The following CAPN13 variants were observed in gnomAD, a reference collection of about 807,000 sequenced individuals.
CAPN13 encodes the protein calpain-13.
In CAPN13, 90 loss-of-function variants were observed where a neutral mutation model predicts 98.4. That is an observed-to-expected ratio of 0.92 (90% confidence interval 0.77 to 1.09). CAPN13 has a LOEUF of 1.09. Among genes scored for constraint, CAPN13 ranks in the 50% least tolerant of loss-of-function variants. The probability of loss-of-function intolerance (pLI) is 0.00; values close to 1 mark genes in which losing one functional copy is unlikely to be tolerated. For missense variants in CAPN13, 887 were observed against 841.3 expected (o/e 1.05, Z -0.67); for synonymous variants, 330 against 305.5 (o/e 1.08, Z -0.84).
chr2:30,769,507 TCCTC>T (rs1438515137), intron 5 of CAPN13, among the ~76,000 whole-genome samples: 2 of 152,112 alleles, frequency 1.3e-5, no homozygotes, highest in African/African-American at 2.4e-5. Context: ...AGTGCCCTCT[TCCTC>T]ACACACACAC....
chr2:30,726,292 T>G (rs1336632513), intron 22 of CAPN13, among the ~76,000 whole-genome samples: 1 of 152,186 alleles, frequency 6.6e-6, no homozygotes, highest in East Asian at 1.9e-4. Context: ...TCATATTTAA[T>G]GGCAAAGGAT....
rs370192320 is a variant in CAPN13 at position 30,743,556 on chromosome 2, G to T, written c.1272C>A (p.Pro424=). The change falls in exon 13 of 23, where the codon CCC becomes CCA. Residue 424 remains proline (P), a synonymous_variant. Transcript: ENST00000295055. ...GSQRFREKFP[P]VFFSSFRNTV... The stretch of plus-strand genomic sequence containing the variant: ...TGTTTCTGAACGAGGAAAAAAACAC[G>T]GGTGGAAATTTCTCCCGGAACCGCT... The T allele has an allele frequency of 1.2e-6, 2 of 1,613,892 alleles. No homozygotes were observed. The highest frequency in any genetic ancestry group is 2.2e-5 in the East Asian group (1 of 44,886).
chr2:30,784,481 T>C (rs1329645318), intron 2 of CAPN13, among the ~76,000 whole-genome samples: 1 of 152,228 alleles, frequency 6.6e-6, no homozygotes, highest in African/African-American at 2.4e-5. Context: ...AAAGTAATCA[T>C]ATGTGGTACA....
At chr2:30,742,241 G>A (rs752306710) in intron 14 of CAPN13, 85 bp downstream of exon 14, 17 of 1,434,418 alleles carry the variant, frequency 1.2e-5, no homozygotes, top group Middle Eastern at 1.9e-4. Context: ...TGGGGGCAGC[G>A]GGAGGTGTAA....
chr2:30,779,297 T>G (rs1161900811), intron 2 of CAPN13, among the ~76,000 whole-genome samples: 1 of 152,248 alleles, frequency 6.6e-6, no homozygotes, highest in Non-Finnish European at 1.5e-5. Flanking sequence ...CTGGGTGACC[T>G]TGAGACCTTG....
intron 1 of CAPN13, among the ~76,000 whole-genome samples, chr2:30,797,448 A>G (rs925362760): frequency 4.3e-4 from 66 of 152,318 alleles, no homozygotes; most frequent in African/African-American, 1.4e-3. Flanking sequence ...ATCTTGGCCA[A>G]TACTCTTAAT....
intron 1 of CAPN13, among the ~76,000 whole-genome samples, chr2:30,802,542 T>C (rs1253522794): frequency 8.7e-6 from 1 of 114,568 alleles, no homozygotes; most frequent in Non-Finnish European, 1.8e-5. Flanking sequence ...AAAGGCAGGC[T>C]GGGGGGGGGG....
chr2:30,805,496 A>G (rs1043038711), intron 1 of CAPN13, among the ~76,000 whole-genome samples: 6 of 152,174 alleles, frequency 3.9e-5, no homozygotes, highest in Non-Finnish European at 7.3e-5. Context: ...AAATAATGTC[A>G]ACAATAATGA....
At chr2:30,773,069 C>A (rs1348645295) in intron 4 of CAPN13, among the ~76,000 whole-genome samples, 1 of 152,142 alleles carries the variant, frequency 6.6e-6, no homozygotes, top group Non-Finnish European at 1.5e-5. Context: ...CGTGATCTAC[C>A]CACCTCAGCC....
At chr2:30,741,653 A>G in intron 15 of CAPN13, 1 of 1,338,538 alleles carries the variant, frequency 7.5e-7, no homozygotes, top group Non-Finnish European at 9.6e-7. Context: ...CTCACACCCC[A>G]TAATTATCCC....
intron 1 of CAPN13, among the ~76,000 whole-genome samples, chr2:30,795,736 G>A (rs4563276): frequency 0.63 from 96,418 of 151,872 alleles, 32,275 homozygotes; most frequent in Non-Finnish European, 0.75. Flanking sequence ...GTCTTTTGAT[G>A]AACATCAATA....
In CAPN13 at chr2:30,771,856, T is replaced by C. The variant is rs193030977; in HGVS notation, c.388-1407A>G. Among the ~76,000 whole-genome samples, 260 of 152,320 alleles carry C rather than the reference T, an allele frequency of 1.7e-3. 1 individual carries two copies. Among genetic ancestry groups the C allele is most frequent in the African/African-American group, 6.2e-3 (256 of 41,582 alleles). On this transcript the variant is annotated intron_variant, in intron 4 of 22. Transcript: ENST00000295055. ...GGCAGTAAGAGTAGGAACTGCCTCATAGGTTGTGATTAGGATTAGATGAGA... is the reference window on the plus strand; with the variant it reads ...GGCAGTAAGAGTAGGAACTGCCTCACAGGTTGTGATTAGGATTAGATGAGA...
At chr2:30,757,218 C>A (rs1672498444) in intron 8 of CAPN13, among the ~76,000 whole-genome samples, 1 of 152,254 alleles carries the variant, frequency 6.6e-6, no homozygotes. Context: ...TGCGACCAGG[C>A]TGAGCCTCAC....
chr2:30,748,203 G>A (rs536655512), intron 11 of CAPN13, among the ~76,000 whole-genome samples: 4 of 152,302 alleles, frequency 2.6e-5, no homozygotes, highest in African/African-American at 9.6e-5. Context: ...TCCTGGCTGG[G>A]CAGACCAGGG....
At position 30,732,477 on chromosome 2, in the gene CAPN13, TG is replaced by T; in HGVS notation, c.1887del (p.Ser630AlafsTer6). ...YSDSVGRVSF[P>X]SLVCFLMRLE... ...AGCCGCATCAGGAAGCAGACCAGGC[TG>T]GGGAAGCTGACCCTGCCGACGCTGT... On this transcript the variant is annotated frameshift_variant, in exon 20 of 23. Transcript: ENST00000295055. LOFTEE classifies it high-confidence loss of function. 1 of 1,613,492 alleles carries T rather than the reference TG, an allele frequency of 6.2e-7. No homozygotes were observed. Among genetic ancestry groups the T allele is most frequent in the Non-Finnish European group, 8.5e-7 (1 of 1,179,746 alleles).
intron 1 of CAPN13, among the ~76,000 whole-genome samples, chr2:30,800,094 A>AAAG (rs1558351169): frequency 4.3e-5 from 6 of 140,176 alleles, no homozygotes; most frequent in African/African-American, 1.7e-4. Context: ...AGAAAGAAAG[A>AAAG]AAAGAAAGAA....
chr2:30,764,238 C>T lies in CAPN13; in HGVS notation c.593G>A (p.Gly198Asp). 6.2e-7 allele frequency: 1 copy of T among 1,613,568 alleles called. No homozygotes were observed. Among genetic ancestry groups the T allele is most frequent in the Non-Finnish European group, 8.5e-7 (1 of 1,179,786 alleles). ...GTGCAGATGGATGTTGGTGATCACG[C>T]CTCCTGTGAGGTCCACCAGGGCATC... is the stretch of plus-strand genomic sequence containing the variant. ...LEDALVDLTG[G>D]VITNIHLHSS... The change falls in exon 6 of 23, where the codon GGC becomes GAC. Residue 198 changes from glycine (G) to aspartate (D), a missense_variant. By Grantham distance (94) the Gly-to-Asp change is moderately conservative. Transcript: ENST00000295055.
chr2:30,750,544 C>T (rs1241552842), intron 11 of CAPN13, among the ~76,000 whole-genome samples: 1 of 152,050 alleles, frequency 6.6e-6, no homozygotes, highest in Non-Finnish European at 1.5e-5. Flanking sequence ...AGTTTGCATG[C>T]CAGCCACCAG....
At chr2:30,747,308 G>A (rs1046736104) in intron 11 of CAPN13, among the ~76,000 whole-genome samples, 2 of 152,038 alleles carry the variant, frequency 1.3e-5, no homozygotes, top group African/African-American at 2.4e-5. Flanking sequence ...GCAGAGCTGG[G>A]AATCGGGGAA....
Sources: gnomAD v4.1 joint callset for allele counts (sites outside exome capture counted in the v4.1 genomes callset) on GRCh38, gnomAD v4.1.1 for gene constraint, MANE v1.5 for transcripts, NCBI Gene and HGNC (gene_info 2026-07-23, HGNC 2026-07-21) for gene names.